Variants in KCNAB1 observed in about 807,000 individuals in gnomAD.
KCNAB1 encodes the protein potassium voltage-gated channel subfamily A regulatory beta subunit 1.
Under a neutral mutation model 64.6 loss-of-function variants are expected in KCNAB1, and 35 were observed. The ratio of observed to expected loss-of-function variants is 0.54; its 90% CI spans 0.41 to 0.72. The LOEUF is 0.72. Ranked by LOEUF, KCNAB1 falls within the 30% of genes least tolerant of loss-of-function variation. The pLI, the probability that KCNAB1 is intolerant of heterozygous loss-of-function variation, is 0.00. For missense variants in KCNAB1, 401 were observed against 512.9 expected, an observed-to-expected ratio of 0.78 and a Z score of 2.11; for synonymous variants, 177 against 183.8, an observed-to-expected ratio of 0.96 and a Z score of 0.30.
At chr3:156,243,829 A>G (rs2108452707) in intron 1 of KCNAB1, among the ~76,000 whole-genome samples, 1 of 152,360 alleles carries the variant, frequency 6.6e-6, no homozygotes, top group South Asian at 2.1e-4. Context: ...CACAGTAATC[A>G]GGGAATGTGC....
At chr3:156,227,768 G>A (rs549058600) in intron 1 of KCNAB1, 1 of 152,350 alleles carries the variant, frequency 6.6e-6, no homozygotes, top group South Asian at 2.1e-4. Flanking sequence ...CTAAACTCCG[G>A]AAACGCCCTT....
At position 156,198,913 on chromosome 3, in the gene KCNAB1, A is replaced by ATTTTTTTTTTTTT. The variant is rs71138701; in HGVS notation, c.275+78045_275+78057dup. Among the ~76,000 whole-genome samples the ATTTTTTTTTTTTT allele has an allele frequency of 1.9e-4, 4 of 21,288 alleles. 2 individuals are homozygous for ATTTTTTTTTTTTT. The highest frequency in any genetic ancestry group is 1.8e-4 in the Non-Finnish European group (2 of 11,080). 14.0% of individuals were successfully genotyped at this position (21,288 alleles called of 152,430 possible). ...TATTGTCATTGGTCTTTATATTTTG[A>ATTTTTTTTTTTTT]TTTTTTTTTTTTTTTTTTTTTTTTT... On this transcript the variant is annotated intron_variant, in intron 1 of 13. Coordinates refer to ENST00000490337, the MANE Select transcript of KCNAB1 (RefSeq NM_172160.3).
intron 1 of KCNAB1, among the ~76,000 whole-genome samples, chr3:156,387,066 T>G (rs2108160414): frequency 6.8e-6 from 1 of 148,014 alleles, no homozygotes; most frequent in Middle Eastern, 3.4e-3. Flanking sequence ...CTCTGTAGAC[T>G]TACAAAATTT....
chr3:156,201,216 G>A (rs1714310260), intron 1 of KCNAB1, among the ~76,000 whole-genome samples: 1 of 152,226 alleles, frequency 6.6e-6, no homozygotes, highest in African/African-American at 2.4e-5. Context: ...CCCGCCTTCT[G>A]CATTGGTCTT....
chr3:156,142,684 G>A (rs1476143075), intron 1 of KCNAB1, among the ~76,000 whole-genome samples: 1 of 152,152 alleles, frequency 6.6e-6, no homozygotes, highest in East Asian at 1.9e-4. Flanking sequence ...TCACCCAAAT[G>A]AATCATGCCT....
intron 1 of KCNAB1, among the ~76,000 whole-genome samples, chr3:156,166,799 GATTGT>G (rs1486721437): frequency 1.3e-5 from 2 of 152,176 alleles, no homozygotes; most frequent in Middle Eastern, 3.2e-3. Context: ...TATGATAAGG[GATTGT>G]ATTCCATTTA....
intron 1 of KCNAB1, among the ~76,000 whole-genome samples, chr3:156,393,594 A>G (rs1294713603): frequency 6.6e-6 from 1 of 152,112 alleles, no homozygotes; most frequent in Non-Finnish European, 1.5e-5. Flanking sequence ...GGCTTTTTCA[A>G]CGTGAGAGTC....
chr3:156,473,412 A>G (rs115801954), intron 7 of KCNAB1, among the ~76,000 whole-genome samples: 1,620 of 152,270 alleles, frequency 0.011, 15 homozygotes, highest in South Asian at 0.029. Context: ...TCCTCCCTGC[A>G]TACAACTGTC....
chr3:156,330,045 A>G (rs1234719935), intron 1 of KCNAB1, among the ~76,000 whole-genome samples: 2 of 152,186 alleles, frequency 1.3e-5, no homozygotes, highest in Non-Finnish European at 2.9e-5. Flanking sequence ...CCGAAATAGA[A>G]TTAAATTTTC....
intron 1 of KCNAB1, among the ~76,000 whole-genome samples, chr3:156,146,160 TAAGTA>T (rs1373260087): frequency 6.6e-6 from 1 of 152,022 alleles, no homozygotes; most frequent in African/African-American, 2.4e-5. Flanking sequence ...AGAAAAAAAA[TAAGTA>T]AATATGCAAA....
chr3:156,428,315 T>C (rs1715965401), intron 2 of KCNAB1, among the ~76,000 whole-genome samples: 3 of 152,150 alleles, frequency 2.0e-5, no homozygotes, highest in Admixed American at 2.0e-4. Context: ...ACATTGATCT[T>C]TTCTTGCCTT....
chr3:156,287,562 T>G (rs1053456598), intron 1 of KCNAB1, among the ~76,000 whole-genome samples: 2 of 152,142 alleles, frequency 1.3e-5, no homozygotes, highest in Admixed American at 6.5e-5. Flanking sequence ...CTGGGCATAG[T>G]GACTCACACC....
intron 1 of KCNAB1, among the ~76,000 whole-genome samples, chr3:156,191,671 T>A (rs775895090): frequency 1.7e-4 from 26 of 152,168 alleles, no homozygotes; most frequent in Non-Finnish European, 3.2e-4. Flanking sequence ...AGTATTTTTT[T>A]AAAAAATACT....
chr3:156,295,197 A>G (rs1720698457), intron 1 of KCNAB1, among the ~76,000 whole-genome samples: 2 of 152,080 alleles, frequency 1.3e-5, no homozygotes. Flanking sequence ...GAAGTTACCA[A>G]CTCTGCTTCA....
intron 13 of KCNAB1, 21 bp downstream of exon 13, chr3:156,531,518 C>T: frequency 6.5e-7 from 1 of 1,549,930 alleles, no homozygotes; most frequent in Non-Finnish European, 8.9e-7. Context: ...CAGCCCCTTC[C>T]AACATCAGGG....
chr3:156,241,607 T>G (rs1459255976), intron 1 of KCNAB1, among the ~76,000 whole-genome samples: 2 of 152,186 alleles, frequency 1.3e-5, no homozygotes, highest in Admixed American at 1.3e-4. Context: ...AGGGTCTGTC[T>G]CTTGGGTAAT....
chr3:156,351,422 A>C (rs1056546592), intron 1 of KCNAB1, among the ~76,000 whole-genome samples: 4 of 152,240 alleles, frequency 2.6e-5, no homozygotes, highest in African/African-American at 4.8e-5. Flanking sequence ...GCTGGGCTCC[A>C]CCCAGTCTTT....
At chr3:156,490,348 T>C (rs1404160376) in intron 8 of KCNAB1, among the ~76,000 whole-genome samples, 1 of 152,124 alleles carries the variant, frequency 6.6e-6, no homozygotes, top group Non-Finnish European at 1.5e-5. Flanking sequence ...GCTTTATTCT[T>C]AAATGTGAAC....
chr3:156,300,424 T>C (rs1389772993), intron 1 of KCNAB1, among the ~76,000 whole-genome samples: 1 of 152,206 alleles, frequency 6.6e-6, no homozygotes, highest in East Asian at 1.9e-4. Flanking sequence ...TTTCATTTTC[T>C]GACTCCCAAC....
Sources: gnomAD v4.1 joint callset for allele counts (sites outside exome capture counted in the v4.1 genomes callset) on GRCh38, gnomAD v4.1.1 for gene constraint, MANE v1.5 for transcripts, NCBI Gene and HGNC (gene_info 2026-07-23, HGNC 2026-07-21) for gene names.